AHCYL2: variants seen among roughly 807,000 people sequenced by gnomAD.
AHCYL2 encodes the protein S-adenosylhomocysteine hydrolase-like protein 2.
AHCYL2 carries 28 observed loss-of-function variants against 81.4 expected under a neutral mutation model. The observed-to-expected ratio is 0.34, with a 90% CI of 0.25 to 0.47. The LOEUF (loss-of-function observed/expected upper bound fraction) is 0.47, where lower values mean the gene tolerates loss of function less well. AHCYL2 is among the 20% of genes least tolerant of loss of function. The probability of loss-of-function intolerance (pLI) is 1.00; values close to 1 mark genes in which losing one functional copy is unlikely to be tolerated. For missense variants in AHCYL2, 551 were observed against 785.1 expected, an observed-to-expected ratio of 0.70 and a Z score of 3.56; for synonymous variants, 272 against 290.2, an observed-to-expected ratio of 0.94 and a Z score of 0.64.
chr7:129,413,807 C>T, intron 12 of AHCYL2, 119 bp downstream of exon 12: 1 of 766,564 alleles, frequency 1.3e-6, no homozygotes. Context: ...CAGAGTTGTC[C>T]ACATCTTTTC....
intron 1 of AHCYL2, among the ~76,000 whole-genome samples, chr7:129,276,120 A>G (rs1358327119): frequency 1.3e-5 from 2 of 152,148 alleles, no homozygotes; most frequent in East Asian, 1.9e-4. Context: ...GCATACTTCT[A>G]AGTAACTCAT....
intron 1 of AHCYL2, among the ~76,000 whole-genome samples, chr7:129,288,290 CTG>C (rs909390296): frequency 6.6e-5 from 10 of 152,112 alleles, no homozygotes; most frequent in Non-Finnish European, 1.5e-4. Context: ...GATTACATCT[CTG>C]TGGTGTCTTT....
intron 1 of AHCYL2, among the ~76,000 whole-genome samples, chr7:129,280,328 T>C (rs1398849558): frequency 6.6e-6 from 1 of 151,656 alleles, no homozygotes; most frequent in African/African-American, 2.4e-5. Context: ...CACCACCATG[T>C]CCAGCTGATT....
chr7:129,255,895 C>T (rs1261153058), intron 1 of AHCYL2, among the ~76,000 whole-genome samples: 2 of 151,690 alleles, frequency 1.3e-5, no homozygotes, highest in South Asian at 2.1e-4. Context: ...GCCTGGAAAG[C>T]GGAGGTTGCA....
At chr7:129,397,143 T>A (rs1346220481) in intron 4 of AHCYL2, 79 bp from the exon 5 acceptor site, 21 of 1,241,252 alleles carry the variant, frequency 1.7e-5, no homozygotes, top group Non-Finnish European at 2.3e-5. Flanking sequence ...ATTTTCTGAT[T>A]GTAAAATATA....
intron 11 of AHCYL2, chr7:129,410,109 A>G (rs2150947299): frequency 6.6e-7 from 1 of 1,515,790 alleles, no homozygotes; most frequent in Non-Finnish European, 9.0e-7. Context: ...AAGATAATCC[A>G]TCTCTAAAAT....
At chr7:129,293,040 A>T (rs929012012) in intron 1 of AHCYL2, among the ~76,000 whole-genome samples, 10 of 152,148 alleles carry the variant, frequency 6.6e-5, no homozygotes, top group Middle Eastern at 3.4e-3. Context: ...GTCTCAAACT[A>T]CCAGGCCCAA....
At chr7:129,333,782 A>T (rs1798502753) in intron 1 of AHCYL2, among the ~76,000 whole-genome samples, 1 of 152,240 alleles carries the variant, frequency 6.6e-6, no homozygotes, top group Non-Finnish European at 1.5e-5. Context: ...ATTAAATAAG[A>T]AGAAACATTG....
chr7:129,301,961 T>C (rs1797272354), intron 1 of AHCYL2, among the ~76,000 whole-genome samples: 1 of 152,174 alleles, frequency 6.6e-6, no homozygotes, highest in Non-Finnish European at 1.5e-5. Flanking sequence ...CTGATTCTGC[T>C]TTAGGTAGGA....
At chr7:129,373,493 G>C (rs374887020) in intron 1 of AHCYL2, among the ~76,000 whole-genome samples, 1 of 151,808 alleles carries the variant, frequency 6.6e-6, no homozygotes. Flanking sequence ...CCAGCTACTC[G>C]GGAGACTGAG....
chr7:129,306,651 A>T (rs539443057), intron 1 of AHCYL2, among the ~76,000 whole-genome samples: 1 of 151,990 alleles, frequency 6.6e-6, no homozygotes, highest in South Asian at 2.1e-4. Flanking sequence ...ATGCTTGTGG[A>T]TGTTTGTCAG....
rs1214160211 is a variant in AHCYL2 at position 129,368,768 on chromosome 7, C to G, written c.364-10870C>G. Among the ~76,000 whole-genome samples, 2 of 152,118 alleles carry G rather than the reference C, an allele frequency of 1.3e-5. No individual in the cohort carries two copies. Among genetic ancestry groups the G allele is most frequent in the Non-Finnish European group, 2.9e-5 (2 of 68,008 alleles). The stretch of plus-strand genomic sequence containing the variant: ...GGGAAAGGTGTGAGAGTTGCCTGGC[C>G]AGGGCTTGTTGCCTGGTCATCTCTG... On this transcript the variant is annotated intron_variant, in intron 1 of 16. Transcript: ENST00000325006. The surrounding 1 kb of genome is among the most constrained non-coding windows in gnomAD (Gnocchi z 4.4).
intron 1 of AHCYL2, among the ~76,000 whole-genome samples, chr7:129,290,382 T>G (rs1796796622): frequency 1.3e-5 from 2 of 151,466 alleles, no homozygotes; most frequent in African/African-American, 4.9e-5. Flanking sequence ...GTGCCTTTAG[T>G]CCCAGCTACT....
intron 1 of AHCYL2, among the ~76,000 whole-genome samples, chr7:129,377,060 C>T (rs551815188): frequency 1.3e-5 from 2 of 152,290 alleles, no homozygotes; most frequent in African/African-American, 4.8e-5. Context: ...TAGGCTACTT[C>T]AGATATATTG....
rs189992374 is a variant in AHCYL2 at position 129,235,489 on chromosome 7, C to G, written c.363+10050C>G. On this transcript the variant is annotated intron_variant, in intron 1 of 16. Coordinates refer to ENST00000325006, the MANE Select transcript of AHCYL2 (RefSeq NM_015328.4). ...CCAGGCTGGAGTGCAGTGGTACCAT[C>G]ATGGCTCACTGCAGCCTCAACTTCC... 1.6e-3 allele frequency among the ~76,000 whole-genome samples: 241 copies of G among 152,286 alleles called. 1 individual carries two copies. Among genetic ancestry groups the G allele is most frequent in the Non-Finnish European group, 2.9e-3 (197 of 68,024 alleles).
At chr7:129,289,461 A>G (rs1796758930) in intron 1 of AHCYL2, among the ~76,000 whole-genome samples, 1 of 152,234 alleles carries the variant, frequency 6.6e-6, no homozygotes, top group African/African-American at 2.4e-5. Context: ...ATTAAGAGCT[A>G]TACAATGATG....
Position 129,255,046 on chromosome 7 carries a change from A to G in AHCYL2, c.363+29607A>G, listed in dbSNP as rs554292817. 5.9e-5 allele frequency among the ~76,000 whole-genome samples: 9 copies of G among 152,270 alleles called. No homozygotes were observed. The South Asian group carries it at 1.7e-3, about 28-fold the overall frequency. ...GGGAGGCCAAGGCGGGAGGATCATG[A>G]AGTCAGGAGTTCGAGACTAGCCTTA... is the stretch of plus-strand genomic sequence containing the variant. On this transcript the variant is annotated intron_variant, in intron 1 of 16. Transcript: ENST00000325006.
chr7:129,370,504 CTGG>C, intron 1 of AHCYL2, among the ~76,000 whole-genome samples: 1 of 152,148 alleles, frequency 6.6e-6, no homozygotes, highest in Non-Finnish European at 1.5e-5. Context: ...CAAGATCATC[CTGG>C]CTAACACAGT....
intron 1 of AHCYL2, among the ~76,000 whole-genome samples, chr7:129,273,320 A>G (rs1012211861): frequency 2.8e-5 from 2 of 71,204 alleles, no homozygotes; most frequent in African/African-American, 9.4e-5. Context: ...CTTTGCTAAG[A>G]CTTTTTTTTT....
Sources: gnomAD v4.1 joint callset for allele counts (sites outside exome capture counted in the v4.1 genomes callset) on GRCh38, gnomAD v4.1.1 for gene constraint, Gnocchi (gnomAD v3.1) non-coding constraint, MANE v1.5 for transcripts, NCBI Gene and HGNC (gene_info 2026-07-23, HGNC 2026-07-21) for gene names.